The following ADGRV1 variants were observed in gnomAD, a reference collection of about 807,000 sequenced individuals.
ADGRV1 encodes the protein G-protein coupled receptor 98.
ADGRV1 carries 359 observed loss-of-function variants against 596.2 expected under a neutral mutation model. The ratio of observed to expected loss-of-function variants is 0.60; its 90% CI spans 0.55 to 0.66. The LOEUF (loss-of-function observed/expected upper bound fraction) is 0.66, where lower values mean the gene tolerates loss of function less well. Ranked by LOEUF, ADGRV1 falls within the 30% of genes least tolerant of loss-of-function variation. The pLI is 0.00. For missense variants in ADGRV1, 7,274 were observed against 7,575.6 expected, an observed-to-expected ratio of 0.96 and a Z score of 1.48; for synonymous variants, 2,681 against 2,679.2, an observed-to-expected ratio of 1.00 and a Z score of -0.02.
At chr5:90,787,425 G>A (rs1025428713) in intron 67 of ADGRV1, among the ~76,000 whole-genome samples, 2 of 152,080 alleles carry the variant, frequency 1.3e-5, no homozygotes, top group Non-Finnish European at 2.9e-5. Context: ...TGTGCACACA[G>A]CAGGACAGTA....
chr5:91,065,092 ACT>A (rs766762371), intron 85 of ADGRV1, among the ~76,000 whole-genome samples: 3 of 152,202 alleles, frequency 2.0e-5, no homozygotes, highest in Non-Finnish European at 4.4e-5. Context: ...GATATACTGT[ACT>A]CTCTATACAA....
At position 91,138,456 on chromosome 5, in the gene ADGRV1, T is replaced by C. The variant is rs959491710; in HGVS notation, c.18433-11574T>C. ...CATCTATTGAGTCTTAGTGTTTTGCTAATAAATCAATGATTCTATAGAACA... is the reference window on the plus strand; with the variant it reads ...CATCTATTGAGTCTTAGTGTTTTGCCAATAAATCAATGATTCTATAGAACA... On this transcript the variant is annotated intron_variant, in intron 87 of 89. Coordinates refer to ENST00000405460, the MANE Select transcript of ADGRV1 (RefSeq NM_032119.4). 9.2e-5 allele frequency among the ~76,000 whole-genome samples: 14 copies of C among 152,292 alleles called. No individual in the cohort carries two copies. In the Middle Eastern group the frequency reaches 0.01, roughly 111 times the overall value.
intron 21 of ADGRV1, among the ~76,000 whole-genome samples, chr5:90,662,135 C>A (rs1310310072): frequency 6.7e-6 from 1 of 148,274 alleles, no homozygotes; most frequent in African/African-American, 2.5e-5. Flanking sequence ...GTACTAGCTT[C>A]AATAATTATC....
chr5:90,569,144 C>A (rs1032093930), intron 1 of ADGRV1, among the ~76,000 whole-genome samples: 1 of 151,774 alleles, frequency 6.6e-6, no homozygotes, highest in Non-Finnish European at 1.5e-5. Flanking sequence ...CAGGAGGCCA[C>A]TCCTGTGATG....
At chr5:90,894,973 G>T (rs1231020566) in intron 83 of ADGRV1, among the ~76,000 whole-genome samples, 1 of 151,800 alleles carries the variant, frequency 6.6e-6, no homozygotes, top group Non-Finnish European at 1.5e-5. Flanking sequence ...CTGTCACCTA[G>T]GCCAGAGTGC....
intron 67 of ADGRV1, among the ~76,000 whole-genome samples, 151 bp downstream of exon 67, chr5:90,784,208 T>C (rs1301511544): frequency 6.6e-6 from 1 of 152,216 alleles, no homozygotes; most frequent in Non-Finnish European, 1.5e-5. Flanking sequence ...TTGAGCCAGA[T>C]TAAGTACATA....
chr5:90,761,955 G>A (rs1756558789), intron 58 of ADGRV1, among the ~76,000 whole-genome samples: 1 of 152,004 alleles, frequency 6.6e-6, no homozygotes, highest in Admixed American at 6.6e-5. Flanking sequence ...ACAATATTGT[G>A]CACACAATAA....
chr5:91,162,774 T>C (rs900465242), intron 89 of ADGRV1, among the ~76,000 whole-genome samples: 1 of 152,214 alleles, frequency 6.6e-6, no homozygotes, highest in African/African-American at 2.4e-5. Flanking sequence ...CCAGATAGGC[T>C]AAGATTAAGC....
At chr5:90,610,881 T>C (rs138782529) in intron 1 of ADGRV1, among the ~76,000 whole-genome samples, 1 of 152,010 alleles carries the variant, frequency 6.6e-6, no homozygotes, top group Admixed American at 6.6e-5. Context: ...TCCCCTTGGC[T>C]CTGTGGCTGT....
At chr5:91,009,309 C>T (rs1262212845) in intron 85 of ADGRV1, among the ~76,000 whole-genome samples, 2 of 152,044 alleles carry the variant, frequency 1.3e-5, no homozygotes, top group African/African-American at 2.4e-5. Context: ...GTTGGGATTT[C>T]CTCGGATAAA....
intron 82 of ADGRV1, among the ~76,000 whole-genome samples, chr5:90,858,129 A>G (rs1767202498): frequency 1.3e-5 from 2 of 152,222 alleles, no homozygotes; most frequent in Non-Finnish European, 2.9e-5. Flanking sequence ...ATTGTAAACT[A>G]GTTTGCCAAC....
At position 90,728,885 on chromosome 5, in the gene ADGRV1, T is replaced by A. The variant is rs1580901644; in HGVS notation, c.10378T>A (p.Ser3460Thr). The A allele has an allele frequency of 6.2e-7, 1 of 1,613,412 alleles. No homozygotes were observed. The highest frequency in any genetic ancestry group is 8.5e-7 in the Non-Finnish European group (1 of 1,179,666). ...VSGTTEVEALSSANDIYLIFA... is the reference protein window; with the variant it reads ...VSGTTEVEALTSANDIYLIFA... ...TGGGACAACAGAAGTTGAGGCTTTGTCTTCAGCCAATGATATTTACCTAAT... is the reference window on the plus strand; with the variant it reads ...TGGGACAACAGAAGTTGAGGCTTTGACTTCAGCCAATGATATTTACCTAAT... Residue 3460 changes from serine to threonine, a missense_variant, in exon 49 of 90, where the codon TCT becomes ACT. By Grantham distance (58) the Ser-to-Thr change is moderately conservative (BLOSUM62 1). Transcript: ENST00000405460.
intron 1 of ADGRV1, among the ~76,000 whole-genome samples, chr5:90,596,147 A>T (rs907590221): frequency 1.4e-5 from 2 of 140,254 alleles, no homozygotes; most frequent in African/African-American, 5.5e-5. Flanking sequence ...CTCACATCCC[A>T]GACAGGGCGG....
chr5:90,680,008 C>T (rs948716986), intron 26 of ADGRV1, among the ~76,000 whole-genome samples: 7 of 152,106 alleles, frequency 4.6e-5, no homozygotes, highest in Admixed American at 1.3e-4. Flanking sequence ...TTTGTATTTT[C>T]GTTTTAAATA....
At position 91,131,052 on chromosome 5, in the gene ADGRV1, G is replaced by T. The variant is rs965267183; in HGVS notation, c.18433-18978G>T. On this transcript the variant is annotated intron_variant, in intron 87 of 89. Transcript: ENST00000405460. ...AACCTGTGTTGATTCCATGTCTTTG[G>T]CATTGTGAATAGTGCTGTGATAATA... 4.6e-5 allele frequency among the ~76,000 whole-genome samples: 7 copies of T among 152,248 alleles called. No homozygotes were observed. The East Asian group carries it at 1.2e-3, about 25-fold the overall frequency.
intron 83 of ADGRV1, among the ~76,000 whole-genome samples, chr5:90,943,125 G>C (rs1417783340): frequency 6.6e-6 from 1 of 151,360 alleles, no homozygotes; most frequent in Non-Finnish European, 1.5e-5. Flanking sequence ...GCCTTTCCCT[G>C]TCTCTCATAA....
chr5:91,070,614 A>T lies in ADGRV1; in HGVS notation c.18153-1833A>T, dbSNP rs7733024. ...TAACGTTCCTCCATTTGAGATTTTCATGCAAGATTTTATGTAAAGCGCAAG... is the reference window on the plus strand; with the variant it reads ...TAACGTTCCTCCATTTGAGATTTTCTTGCAAGATTTTATGTAAAGCGCAAG... On this transcript the variant is annotated intron_variant, in intron 85 of 89. Coordinates refer to ENST00000405460, the MANE Select transcript of ADGRV1 (RefSeq NM_032119.4). Among the ~76,000 whole-genome samples the T allele has an allele frequency of 2.0e-5, 3 of 152,296 alleles. No homozygotes were observed. In the South Asian group the frequency reaches 6.2e-4, roughly 32 times the overall value.
intron 1 of ADGRV1, among the ~76,000 whole-genome samples, chr5:90,608,913 A>G (rs148673900): frequency 9.1e-4 from 139 of 152,218 alleles, no homozygotes; most frequent in African/African-American, 3.3e-3. Flanking sequence ...TGTGTCAACT[A>G]TTCCCCAAGA....
At chr5:90,719,342 T>C (rs2366927) in intron 43 of ADGRV1, among the ~76,000 whole-genome samples, 2 of 124,718 alleles carry the variant, frequency 1.6e-5, no homozygotes, top group African/African-American at 1.1e-4. Context: ...AATAAATAAA[T>C]AAATAAATAA....
Sources: allele counts gnomAD v4.1 joint callset (sites outside exome capture counted in the v4.1 genomes callset), GRCh38; gene constraint gnomAD v4.1.1; transcripts MANE v1.5; gene names NCBI Gene and HGNC (gene_info 2026-07-23, HGNC 2026-07-21).